TMEM131: variants seen among roughly 807,000 people sequenced by gnomAD.
TMEM131 encodes 2610524E03Rik.
In TMEM131, 66 loss-of-function variants were observed where a neutral mutation model predicts 211.6. The observed-to-expected ratio is 0.31, with a 90% CI of 0.26 to 0.38. The LOEUF is 0.38. TMEM131 is among the 10% of genes least tolerant of loss of function. The pLI is 1.00. For missense variants in TMEM131, 2,036 were observed against 2,299.3 expected (o/e 0.89, Z 2.34); for synonymous variants, 844 against 841.3 (o/e 1.00, Z -0.06).
intron 1 of TMEM131, 122 bp from the exon 2 acceptor site, chr2:97,927,609 G>T: frequency 1.5e-6 from 1 of 655,830 alleles, no homozygotes; most frequent in Non-Finnish European, 2.3e-6. Flanking sequence ...TAATGGTGAT[G>T]GTTGAAAAGA....
intron 4 of TMEM131, among the ~76,000 whole-genome samples, chr2:97,870,071 T>C (rs552828798): frequency 1.3e-5 from 2 of 152,284 alleles, no homozygotes; most frequent in South Asian, 4.1e-4. Context: ...ATATCTCCCT[T>C]ACCTCAAATA....
At chr2:97,977,252 T>C (rs1019796055) in intron 1 of TMEM131, among the ~76,000 whole-genome samples, 2 of 152,224 alleles carry the variant, frequency 1.3e-5, no homozygotes, top group African/African-American at 4.8e-5. Context: ...GAAGGAATCC[T>C]TGTAAATATG....
intron 11 of TMEM131, among the ~76,000 whole-genome samples, chr2:97,832,174 C>T (rs911338037): frequency 5.3e-5 from 8 of 152,094 alleles, no homozygotes; most frequent in African/African-American, 1.7e-4. Flanking sequence ...CCTAAAACTC[C>T]TTAGTGAATA....
intron 2 of TMEM131, chr2:97,911,597 G>C (rs1676296242): frequency 1.0e-6 from 1 of 983,852 alleles, no homozygotes; most frequent in African/African-American, 1.7e-5. Flanking sequence ...TCTGACCACT[G>C]AAATTACTCA....
chr2:97,868,105 G>A (rs1391656899), intron 4 of TMEM131, among the ~76,000 whole-genome samples: 3 of 152,096 alleles, frequency 2.0e-5, no homozygotes, highest in East Asian at 1.9e-4. Flanking sequence ...TTAGATGCAT[G>A]CATATTTCGA....
intron 32 of TMEM131, among the ~76,000 whole-genome samples, chr2:97,773,125 G>A (rs1329875451): frequency 3.3e-5 from 5 of 152,112 alleles, no homozygotes; most frequent in East Asian, 1.9e-4. Flanking sequence ...ACCCCATCCT[G>A]AGCACAACTC....
intron 30 of TMEM131, 21 bp downstream of exon 30, chr2:97,793,371 TTTA>T (rs1186077397): frequency 6.3e-7 from 1 of 1,597,112 alleles, no homozygotes. Context: ...CACTAGGGAA[TTTA>T]TTGCCAGCAT....
At chr2:97,857,652 T>C (rs1673901352) in intron 5 of TMEM131, among the ~76,000 whole-genome samples, 1 of 152,208 alleles carries the variant, frequency 6.6e-6, no homozygotes, top group Non-Finnish European at 1.5e-5. Flanking sequence ...GATGGTTTCA[T>C]TACACATAAA....
intron 1 of TMEM131, among the ~76,000 whole-genome samples, chr2:97,990,844 G>A (rs773930841): frequency 2.0e-5 from 3 of 151,972 alleles, no homozygotes; most frequent in East Asian, 1.9e-4. Flanking sequence ...TTGCACCTAC[G>A]TCACAAATAC....
intron 32 of TMEM131, among the ~76,000 whole-genome samples, chr2:97,774,836 A>C (rs888267820): frequency 2.7e-4 from 41 of 152,232 alleles, no homozygotes; most frequent in African/African-American, 9.9e-4. Context: ...AAAGTGCTAT[A>C]AACTACAGAG....
chr2:97,986,586 C>G (rs970117304), intron 1 of TMEM131, among the ~76,000 whole-genome samples: 7 of 152,108 alleles, frequency 4.6e-5, no homozygotes, highest in Non-Finnish European at 7.4e-5. Flanking sequence ...TATTTTCATG[C>G]CCAGCCATAA....
At chr2:97,955,647 T>C (rs1678533129) in intron 1 of TMEM131, among the ~76,000 whole-genome samples, 1 of 152,064 alleles carries the variant, frequency 6.6e-6, no homozygotes, top group African/African-American at 2.4e-5. Context: ...TTCTATATAC[T>C]AACAATGAAC....
intron 4 of TMEM131, among the ~76,000 whole-genome samples, chr2:97,876,686 T>C (rs931579084): frequency 1.3e-5 from 2 of 152,186 alleles, no homozygotes; most frequent in African/African-American, 4.8e-5. Flanking sequence ...AAACTAGGTA[T>C]TGATGGAACA....
chr2:97,855,155 T>C (rs1358767193), intron 5 of TMEM131, among the ~76,000 whole-genome samples: 1 of 152,234 alleles, frequency 6.6e-6, no homozygotes, highest in Non-Finnish European at 1.5e-5. Flanking sequence ...ATTCCTTCTT[T>C]CCACATAGGT....
In TMEM131 at chr2:97,995,728, C is replaced by A; in HGVS notation, c.-66G>T. The A allele has an allele frequency of 8.9e-7, 1 of 1,122,510 alleles. No homozygotes were observed. The highest frequency in any genetic ancestry group is 1.1e-6 in the Non-Finnish European group (1 of 909,114). The allele number at this position is 1,122,510 out of a possible 1,614,324, so 69.5% of individuals were successfully genotyped here. A position where few individuals can be genotyped will look rare whatever the true frequency, so the allele number is the denominator to read the frequency against. On this transcript the variant is annotated 5_prime_UTR_variant, in exon 1 of 41. Transcript: ENST00000186436. ...GCCCTTCTCGGCGAGGCGGCGGCGGCGCGGAAGCCGTGGTCCGGGCTCTGG... is the reference window on the plus strand; with the variant it reads ...GCCCTTCTCGGCGAGGCGGCGGCGGAGCGGAAGCCGTGGTCCGGGCTCTGG...
At chr2:97,920,198 T>C (rs1676682948) in intron 2 of TMEM131, among the ~76,000 whole-genome samples, 1 of 152,212 alleles carries the variant, frequency 6.6e-6, no homozygotes, top group African/African-American at 2.4e-5. Context: ...TTCTTTAGCT[T>C]ATTTTTCACA....
At chr2:97,793,111 A>G in intron 30 of TMEM131, 127 bp from the exon 31 acceptor site, 2 of 727,892 alleles carry the variant, frequency 2.7e-6, no homozygotes, top group Non-Finnish European at 4.3e-6. Flanking sequence ...ATAGCAAGAA[A>G]TAGGGAAATT....
intron 25 of TMEM131, among the ~76,000 whole-genome samples, chr2:97,798,749 G>A (rs985341313): frequency 6.6e-6 from 1 of 152,208 alleles, no homozygotes; most frequent in Non-Finnish European, 1.5e-5. Context: ...CAGCACAGTC[G>A]AAGCCTGTGT....
chr2:97,964,834 AT>A (rs1327824544), intron 1 of TMEM131, among the ~76,000 whole-genome samples: 2 of 152,218 alleles, frequency 1.3e-5, no homozygotes, highest in Non-Finnish European at 2.9e-5. Flanking sequence ...AATACACACT[AT>A]TATCAGCAAA....
Sources: gnomAD v4.1 joint callset for allele counts (sites outside exome capture counted in the v4.1 genomes callset) on GRCh38, gnomAD v4.1.1 for gene constraint, MANE v1.5 for transcripts, NCBI Gene and HGNC (gene_info 2026-07-23, HGNC 2026-07-21) for gene names.